The following SLC2A4RG variants were observed in gnomAD, a reference collection of about 807,000 sequenced individuals.
SLC2A4RG encodes SLC2A4 regulator, also known as GLUT4 enhancer factor.
SLC2A4RG carries 23 observed loss-of-function variants against 35.5 expected under a neutral mutation model. The observed-to-expected ratio is 0.65, with a 90% CI of 0.47 to 0.92. The LOEUF is 0.92. SLC2A4RG is among the 40% of genes least tolerant of loss of function. The probability of loss-of-function intolerance (pLI) is 0.00; values close to 1 mark genes in which losing one functional copy is unlikely to be tolerated. For missense variants in SLC2A4RG, 539 were observed against 525.0 expected (o/e 1.03, Z -0.26); for synonymous variants, 306 against 243.7 (o/e 1.26, Z -2.38).
At position 63,742,323 on chromosome 20, in the gene SLC2A4RG, G is replaced by C; in HGVS notation, c.681-13G>C. 6.2e-7 allele frequency: 1 copy of C among 1,606,170 alleles called. No homozygotes were observed. The highest frequency in any genetic ancestry group is 8.5e-7 in the Non-Finnish European group (1 of 1,176,432). ...CCCCTTCAGCTCCCACTGGCTGGCT[G>C]TGTCTCCCGCAGGAGGCAGGCAGAG... On this transcript the variant is annotated splice_polypyrimidine_tract_variant and intron_variant, in intron 5 of 7. Coordinates refer to ENST00000266077, the MANE Select transcript of SLC2A4RG (RefSeq NM_020062.4).
At chr20:63,741,231 G>A in intron 2 of SLC2A4RG, 139 bp from the exon 3 acceptor site, 2 of 749,670 alleles carry the variant, frequency 2.7e-6, no homozygotes, top group Non-Finnish European at 4.3e-6. Context: ...CTGAGCTGGG[G>A]GAGGAGCCAG....
Position 63,739,779 on chromosome 20 carries a change from C to G in SLC2A4RG, c.-134C>G, listed in dbSNP as rs1279256421. 1.1e-6 allele frequency: 1 copy of G among 906,572 alleles called. No individual in the cohort carries two copies. Among genetic ancestry groups the G allele is most frequent in the East Asian group, 1.2e-4 (1 of 8,126 alleles). The allele number at this position is 906,572 out of a possible 1,614,324, so 56.2% of individuals were successfully genotyped here. On this transcript the variant is annotated 5_prime_UTR_variant, in exon 1 of 8. Transcript: ENST00000266077. ...GGCGGGGCGGGGCGGGCCGGGCAGC[C>G]TCCGGGCGGCGCGGCGCGGGCGGCG... is the stretch of plus-strand genomic sequence containing the variant.
chr20:63,739,898 C>T lies in SLC2A4RG; in HGVS notation c.-15C>T, dbSNP rs939281364. The T allele has an allele frequency of 4.6e-4, 455 of 978,896 alleles. 2 individuals carry two copies. In the African/African-American group the frequency reaches 7.2e-3, roughly 16 times the overall value. 60.6% of individuals were successfully genotyped at this position (978,896 alleles called of 1,614,324 possible). A position where few individuals can be genotyped will look rare whatever the true frequency, so the allele number is the denominator to read the frequency against. On this transcript the variant is annotated 5_prime_UTR_variant, in exon 1 of 8. Coordinates refer to ENST00000266077, the MANE Select transcript of SLC2A4RG (RefSeq NM_020062.4). Reference sequence around the variant, plus strand: ...AGCCCTCGCCGCTGCAGCCTCGGCGCCCGGCCGGCCGGCCATGGAGCGCCC... The same window carrying T: ...AGCCCTCGCCGCTGCAGCCTCGGCGTCCGGCCGGCCGGCCATGGAGCGCCC...
chr20:63,740,309 G>A, intron 1 of SLC2A4RG, 68 bp from the exon 2 acceptor site: 1 of 1,056,680 alleles, frequency 9.5e-7, no homozygotes, highest in Non-Finnish European at 1.2e-6. Context: ...CGGATCCGCG[G>A]CGGAGGTTGA....
intron 3 of SLC2A4RG, 77 bp from the exon 4 acceptor site, chr20:63,741,792 T>G: frequency 6.8e-7 from 1 of 1,468,298 alleles, no homozygotes; most frequent in Non-Finnish European, 9.0e-7. Flanking sequence ...CCGGACTTGG[T>G]GAACAGGGGC....
rs2092052763 is a variant in SLC2A4RG at position 63,743,053 on chromosome 20, G to A, written c.*63G>A. ...CCTCCCCACCCCCTCCAGGCCCGGG[G>A]CTGAAACAGCCCGAGGACAGCCCCA... On this transcript the variant is annotated 3_prime_UTR_variant, in exon 8 of 8. Coordinates refer to ENST00000266077, the MANE Select transcript of SLC2A4RG (RefSeq NM_020062.4). 1 of 1,244,660 alleles carries A rather than the reference G, an allele frequency of 8.0e-7. No homozygotes were observed. Among genetic ancestry groups the A allele is most frequent in the Non-Finnish European group, 1.1e-6 (1 of 931,370 alleles). The allele number at this position is 1,244,660 out of a possible 1,614,324, so 77.1% of individuals were successfully genotyped here.
In SLC2A4RG at chr20:63,740,432, C is replaced by T; in HGVS notation, c.182C>T (p.Ser61Leu). 1 of 1,230,542 alleles carries T rather than the reference C, an allele frequency of 8.1e-7. No individual in the cohort carries two copies. The highest frequency in any genetic ancestry group is 1.0e-6 in the Non-Finnish European group (1 of 986,316). The allele number at this position is 1,230,542 out of a possible 1,614,324, so 76.2% of individuals were successfully genotyped here. A position where few individuals can be genotyped will look rare whatever the true frequency, so the allele number is the denominator to read the frequency against. Reference protein sequence around the residue: ...AGLEFARPQESEPRASDLGAP... With the variant: ...AGLEFARPQELEPRASDLGAP... ...TTGGAGTTCGCGCGGCCGCAGGAGT[C>T]GGAGCCGCGGGCCTCGGACCTGGGG... The change falls in exon 2 of 8, where the codon TCG becomes TTG. Residue 61 changes from serine to leucine, a missense_variant. Ser to Leu is a moderately radical substitution (Grantham distance 145). Coordinates refer to ENST00000266077, the MANE Select transcript of SLC2A4RG (RefSeq NM_020062.4).
Position 63,739,789 on chromosome 20 carries a change from C to T in SLC2A4RG, c.-124C>T. The T allele has an allele frequency of 6.5e-6, 6 of 924,546 alleles. No individual in the cohort carries two copies. The South Asian group carries it at 1.5e-4, about 23-fold the overall frequency. The allele number at this position is 924,546 out of a possible 1,614,324, so 57.3% of individuals were successfully genotyped here. A position where few individuals can be genotyped will look rare whatever the true frequency, so the allele number is the denominator to read the frequency against. On this transcript the variant is annotated 5_prime_UTR_variant, in exon 1 of 8. Transcript: ENST00000266077. Reference sequence around the variant, plus strand: ...GGCGGGCCGGGCAGCCTCCGGGCGGCGCGGCGCGGGCGGCGGCCGGATCCA... The same window carrying T: ...GGCGGGCCGGGCAGCCTCCGGGCGGTGCGGCGCGGGCGGCGGCCGGATCCA...
intron 1 of SLC2A4RG, 148 bp from the exon 2 acceptor site, chr20:63,740,228 TG>T: frequency 4.4e-6 from 2 of 452,134 alleles, no homozygotes; most frequent in Non-Finnish European, 6.1e-6. Flanking sequence ...CGCGCCGGGC[TG>T]GGGGCGGGGC....
chr20:63,740,633 T>C (rs1402180980), intron 2 of SLC2A4RG, 102 bp downstream of exon 2: 9 of 1,137,126 alleles, frequency 7.9e-6, no homozygotes, highest in Non-Finnish European at 8.8e-6. Context: ...GGCCCCAGGT[T>C]TGTAATTACC....
chr20:63,742,023 T>C lies in SLC2A4RG; in HGVS notation c.546T>C (p.Phe182=), dbSNP rs2092044500. The C allele has an allele frequency of 1.9e-6, 3 of 1,612,442 alleles. No homozygotes were observed. The highest frequency in any genetic ancestry group is 2.2e-5 in the South Asian group (2 of 91,050). The part of the protein sequence containing the change: ...SPPLPPEAAH[F]LFGEPTLRKR... ...CACTGCCCCCCGAGGCAGCCCACTT[T>C]CTGTTTGGGGAGCCCACCCTGAGAA... is the stretch of plus-strand genomic sequence containing the variant. Residue 182 remains phenylalanine (F), a synonymous_variant, in exon 4 of 8, where the codon TTT becomes TTC. Coordinates refer to ENST00000266077, the MANE Select transcript of SLC2A4RG (RefSeq NM_020062.4).
Position 63,740,550 on chromosome 20 carries a change from G to A in SLC2A4RG, c.281+19G>A. The A allele has an allele frequency of 1.6e-6, 2 of 1,228,638 alleles. No homozygotes were observed. The highest frequency in any genetic ancestry group is 2.0e-6 in the Non-Finnish European group (2 of 985,748). The allele number at this position is 1,228,638 out of a possible 1,614,324, so 76.1% of individuals were successfully genotyped here. On this transcript the variant is annotated intron_variant, in intron 2 of 7. Transcript: ENST00000266077. Reference sequence around the variant, plus strand: ...CGCAGAGGTGAGCGGGAGGCCCGGTGCCTCGGGACTCGGTGTGCGCAGGGG... The same window carrying A: ...CGCAGAGGTGAGCGGGAGGCCCGGTACCTCGGGACTCGGTGTGCGCAGGGG...
chr20:63,740,090 G>A lies in SLC2A4RG; in HGVS notation c.126+52G>A, dbSNP rs1306599909. 3.4e-6 allele frequency: 3 copies of A among 883,910 alleles called. No homozygotes were observed. The African/African-American group carries it at 5.5e-5, about 16-fold the overall frequency. 54.8% of individuals were successfully genotyped at this position (883,910 alleles called of 1,614,324 possible). The stretch of plus-strand genomic sequence containing the variant: ...CCGACCAAGTTTCTCTCGCTGCAAA[G>A]ATGGCGTCAGTGCTGCCCAAACTTC... On this transcript the variant is annotated intron_variant, in intron 1 of 7. Coordinates refer to ENST00000266077, the MANE Select transcript of SLC2A4RG (RefSeq NM_020062.4).
Position 63,742,591 on chromosome 20 carries a change from C to T in SLC2A4RG, c.936C>T (p.Ser312=), listed in dbSNP as rs2092049092. 2 of 1,577,824 alleles carry T rather than the reference C, an allele frequency of 1.3e-6. No homozygotes were observed. Among genetic ancestry groups the T allele is most frequent in the Admixed American group, 1.7e-5 (1 of 58,120 alleles). ...PVLSTVANPQ[S]CHSDRVYQGC... ...TGAGCACCGTTGCTAACCCCCAGTC[C>T]TGTCACAGTGACCGTGTCTACCAGG... Residue 312 remains serine (S), a synonymous_variant, in exon 6 of 8, where the codon TCC becomes TCT. Coordinates refer to ENST00000266077, the MANE Select transcript of SLC2A4RG (RefSeq NM_020062.4).
intron 2 of SLC2A4RG, 118 bp from the exon 3 acceptor site, chr20:63,741,252 C>T: frequency 1.1e-6 from 1 of 924,932 alleles, no homozygotes; most frequent in African/African-American, 1.6e-5. Context: ...GCCTCATGCC[C>T]AGGGCTGGGA....
Position 63,743,226 on chromosome 20 carries a change from A to C in SLC2A4RG, c.*236A>C. 3 of 446,158 alleles carry C rather than the reference A, an allele frequency of 6.7e-6. No homozygotes were observed. Among genetic ancestry groups the C allele is most frequent in the East Asian group, 3.8e-5 (1 of 26,394 alleles). 27.6% of individuals were successfully genotyped at this position (446,158 alleles called of 1,614,324 possible). ...AACCAGCTTTTTGCACTAAAGCCAA[A>C]CCACACCGCTGTCCCCTTAGCCCCA... On this transcript the variant is annotated 3_prime_UTR_variant, in exon 8 of 8. Transcript: ENST00000266077.
At position 63,742,922 on chromosome 20, in the gene SLC2A4RG, A is replaced by G; in HGVS notation, c.1096A>G (p.Met366Val). ...GAAGAAGTGCCGGAAGGTGTATGGCATGGAGCGCCGGGACCTCTGGTGCAC... is the reference window on the plus strand; with the variant it reads ...GAAGAAGTGCCGGAAGGTGTATGGCGTGGAGCGCCGGGACCTCTGGTGCAC... ...DAKKCRKVYG[M>V]ERRDLWCTAC... is the part of the protein sequence containing the mutation. The change falls in exon 8 of 8, where the codon ATG becomes GTG. Residue 366 changes from methionine (M) to valine (V), a missense_variant. Met to Val is a conservative substitution (Grantham distance 21). Coordinates refer to ENST00000266077, the MANE Select transcript of SLC2A4RG (RefSeq NM_020062.4). The G allele has an allele frequency of 1.2e-6, 2 of 1,612,508 alleles. No individual in the cohort carries two copies. The highest frequency in any genetic ancestry group is 1.7e-6 in the Non-Finnish European group (2 of 1,179,696).
At chr20:63,741,568 C>A in intron 3 of SLC2A4RG, 89 bp downstream of exon 3, 1 of 1,285,090 alleles carries the variant, frequency 7.8e-7, no homozygotes, top group Non-Finnish European at 1.1e-6. Flanking sequence ...CAAGCAGAGC[C>A]CTCAAACCTG....
chr20:63,742,065 GGGGGCGGCCCCCA>G lies in SLC2A4RG; in HGVS notation c.579+13_579+25del. ...CCCTGAGAAAAAGGAAGGTGAGCTT[GGGGGCGGCCCCCA>G]GGGAGGGGCGGGTGTGGCGGCTGAG... On this transcript the variant is annotated intron_variant, in intron 4 of 7. Coordinates refer to ENST00000266077, the MANE Select transcript of SLC2A4RG (RefSeq NM_020062.4). The G allele has an allele frequency of 3.7e-6, 6 of 1,611,330 alleles. No homozygotes were observed. The highest frequency in any genetic ancestry group is 5.1e-6 in the Non-Finnish European group (6 of 1,178,552).
Sources: gnomAD v4.1 joint callset for allele counts on GRCh38, gnomAD v4.1.1 for gene constraint, MANE v1.5 for transcripts, NCBI Gene and HGNC (gene_info 2026-07-23, HGNC 2026-07-21) for gene names.